The following KCNJ6 variants were observed in gnomAD, a reference collection of about 807,000 sequenced individuals.
KCNJ6 encodes G protein-activated inward rectifier potassium channel 2.
A neutral mutation model predicts 34.2 loss-of-function variants in KCNJ6; 9 were observed. The observed-to-expected ratio is 0.26, with a 90% CI of 0.16 to 0.46. KCNJ6 has a LOEUF of 0.46. Among genes scored for constraint, KCNJ6 ranks in the 20% least tolerant of loss-of-function variants. The pLI is 1.00. For synonymous variants in KCNJ6, 196 were observed against 207.1 expected (o/e 0.95, Z 0.46); for missense variants, 236 against 531.3 (o/e 0.44, Z 5.46).
chr21:37,694,047 C>CT (rs2054652759), intron 3 of KCNJ6, among the ~76,000 whole-genome samples: 1 of 152,124 alleles, frequency 6.6e-6, no homozygotes, highest in African/African-American at 2.4e-5. Context: ...TTGTGCCAGC[C>CT]ACCGGGCAAA....
intron 3 of KCNJ6, among the ~76,000 whole-genome samples, chr21:37,668,487 A>G (rs2054527149): frequency 6.6e-6 from 1 of 152,126 alleles, no homozygotes; most frequent in Non-Finnish European, 1.5e-5. Context: ...AGGTTGGATG[A>G]GGGCCCACCC....
intron 2 of KCNJ6, among the ~76,000 whole-genome samples, chr21:37,732,473 G>A (rs1179338448): frequency 6.6e-6 from 1 of 152,218 alleles, no homozygotes; most frequent in Non-Finnish European, 1.5e-5. Context: ...CAGAATTGTG[G>A]AAAGCCAAAT....
chr21:37,877,259 T>C (rs1236801708), intron 1 of KCNJ6, among the ~76,000 whole-genome samples: 1 of 152,156 alleles, frequency 6.6e-6, no homozygotes, highest in Non-Finnish European at 1.5e-5. Context: ...CTGATAACTC[T>C]GAAAGTCTAA....
At chr21:37,749,865 C>T (rs535448913) in intron 2 of KCNJ6, among the ~76,000 whole-genome samples, 4 of 152,284 alleles carry the variant, frequency 2.6e-5, no homozygotes, top group African/African-American at 7.2e-5. Flanking sequence ...TCAAGACATT[C>T]GTCAAAGGGC....
At chr21:37,647,339 C>T (rs947863150) in intron 3 of KCNJ6, among the ~76,000 whole-genome samples, 3 of 151,584 alleles carry the variant, frequency 2.0e-5, no homozygotes, top group Non-Finnish European at 4.4e-5. Context: ...TGAGTAGGGT[C>T]GGGATGGAGG....
intron 1 of KCNJ6, among the ~76,000 whole-genome samples, chr21:37,852,173 T>C (rs2055541005): frequency 6.6e-6 from 1 of 152,188 alleles, no homozygotes; most frequent in African/African-American, 2.4e-5. Context: ...CCCAAACCTG[T>C]TGTCAGGATG....
intron 1 of KCNJ6, among the ~76,000 whole-genome samples, chr21:37,908,850 C>T (rs981442626): frequency 2.0e-5 from 3 of 152,212 alleles, no homozygotes; most frequent in African/African-American, 4.8e-5. Flanking sequence ...TTCACATTAG[C>T]TGTATTTCTT....
At chr21:37,772,331 G>T (rs1395117075) in intron 2 of KCNJ6, among the ~76,000 whole-genome samples, 2 of 151,930 alleles carry the variant, frequency 1.3e-5, no homozygotes, top group Non-Finnish European at 2.9e-5. Context: ...CTTCTAGTTT[G>T]CTTATTTAGG....
chr21:37,720,702 CTTTTTT>C lies in KCNJ6; in HGVS notation c.26-5577_26-5572del, dbSNP rs3061017. On this transcript the variant is annotated intron_variant, in intron 2 of 3. Coordinates refer to ENST00000609713, the MANE Select transcript of KCNJ6 (RefSeq NM_002240.5). ...AGAATGGGAGAAAACATTTTCTTTT[CTTTTTT>C]TTTTTTTTTTGAGACGGAGTCTCGC... 9.3e-5 allele frequency among the ~76,000 whole-genome samples: 12 copies of C among 129,516 alleles called. No homozygotes were observed. The East Asian group carries it at 1.2e-3, about 13-fold the overall frequency. 85.0% of individuals were successfully genotyped at this position (129,516 alleles called of 152,430 possible). A position where few individuals can be genotyped will look rare whatever the true frequency, so the allele number is the denominator to read the frequency against.
chr21:37,758,548 GAAT>G (rs1239992520), intron 2 of KCNJ6, among the ~76,000 whole-genome samples: 5 of 152,304 alleles, frequency 3.3e-5, no homozygotes, highest in African/African-American at 4.8e-5. Context: ...CAGGATTCCT[GAAT>G]ATCTACCCGT....
At position 37,908,993 on chromosome 21, in the gene KCNJ6, T is replaced by C. The variant is rs547189817; in HGVS notation, c.-28+6891A>G. ...CTTGCAGTTAGGTATGACCATAGAA[T>C]ATGAATAGGAGTGATATACATTACT... On this transcript the variant is annotated intron_variant, in intron 1 of 3. Coordinates refer to ENST00000609713, the MANE Select transcript of KCNJ6 (RefSeq NM_002240.5). Among the ~76,000 whole-genome samples, 7 of 152,356 alleles carry C rather than the reference T, an allele frequency of 4.6e-5. No homozygotes were observed. The East Asian group carries it at 1.3e-3, about 29-fold the overall frequency.
chr21:37,911,971 T>C (rs1384810685), intron 1 of KCNJ6, among the ~76,000 whole-genome samples: 2 of 152,270 alleles, frequency 1.3e-5, no homozygotes, highest in East Asian at 3.9e-4. Context: ...TAGACTGAGA[T>C]GATAGGGAGG....
rs55953891 is a variant in KCNJ6, at chr21:37,667,154, TAAAAAAAAAAAAA to T, written c.947-41683_947-41671del. Among the ~76,000 whole-genome samples the T allele has an allele frequency of 1.5e-4, 6 of 39,094 alleles. No individual in the cohort carries two copies. In the South Asian group the frequency reaches 7.6e-3, roughly 49 times the overall value. The allele number at this position is 39,094 out of a possible 152,430, so 25.6% of individuals were successfully genotyped here. ...ACACCCAAGAATGAGCAATAAATAC[TAAAAAAAAAAAAA>T]AAAAAAAAAAAAAAAAATTAAATGA... On this transcript the variant is annotated intron_variant, in intron 3 of 3. Coordinates refer to ENST00000609713, the MANE Select transcript of KCNJ6 (RefSeq NM_002240.5).
chr21:37,700,337 C>T (rs777561419), intron 3 of KCNJ6, among the ~76,000 whole-genome samples: 12 of 152,180 alleles, frequency 7.9e-5, no homozygotes, highest in Admixed American at 2.6e-4. Flanking sequence ...AGCACATGTG[C>T]AGGCCAGGGT....
At chr21:37,827,441 G>A (rs1335491158) in intron 2 of KCNJ6, among the ~76,000 whole-genome samples, 3 of 152,140 alleles carry the variant, frequency 2.0e-5, no homozygotes, top group Non-Finnish European at 4.4e-5. Context: ...TCCAAATCCC[G>A]TAAGTAGTAG....
intron 1 of KCNJ6, among the ~76,000 whole-genome samples, chr21:37,891,189 T>C (rs1347342315): frequency 6.6e-6 from 1 of 152,106 alleles, no homozygotes; most frequent in Admixed American, 6.5e-5. Flanking sequence ...CTCAGCTGTG[T>C]GCTGGATGGA....
At chr21:37,626,013 T>A (rs1304477576) in intron 3 of KCNJ6, among the ~76,000 whole-genome samples, 1 of 152,218 alleles carries the variant, frequency 6.6e-6, no homozygotes, top group African/African-American at 2.4e-5. Flanking sequence ...AGGCCATGAC[T>A]GTGGCTCCAG....
intron 1 of KCNJ6, among the ~76,000 whole-genome samples, chr21:37,843,852 A>G (rs1232842245): frequency 6.6e-6 from 1 of 152,174 alleles, no homozygotes; most frequent in Non-Finnish European, 1.5e-5. Flanking sequence ...AAGCCCATTT[A>G]GCCAAGATCC....
At chr21:37,887,526 G>A (rs990190820) in intron 1 of KCNJ6, among the ~76,000 whole-genome samples, 1 of 152,182 alleles carries the variant, frequency 6.6e-6, no homozygotes, top group Non-Finnish European at 1.5e-5. Flanking sequence ...GGAGATAAAA[G>A]CCAGAAATAA....
Sources: allele counts gnomAD v4.1 joint callset (sites outside exome capture counted in the v4.1 genomes callset), GRCh38; gene constraint gnomAD v4.1.1; transcripts MANE v1.5; gene names NCBI Gene and HGNC (gene_info 2026-07-23, HGNC 2026-07-21).